HOXD13: variants seen among roughly 807,000 people sequenced by gnomAD.
HOXD13 encodes homeobox D13.
Under a neutral mutation model 27.3 loss-of-function variants are expected in HOXD13, and 16 were observed. The ratio of observed to expected loss-of-function variants is 0.59; its 90% confidence interval spans 0.40 to 0.89. The LOEUF (loss-of-function observed/expected upper bound fraction) is 0.89, where lower values mean the gene tolerates loss of function less well. Among genes scored for constraint, HOXD13 ranks in the 40% least tolerant of loss-of-function variants. HOXD13 has a pLI of 0.00. For synonymous variants in HOXD13, 241 were observed against 219.0 expected (o/e 1.10, Z -0.89); for missense variants, 481 against 482.6 (o/e 1.00, Z 0.03).
At position 176,094,677 on chromosome 2, in the gene HOXD13, C is replaced by T. The variant is rs774807865; in HGVS notation, c.979C>T (p.Arg327Ter). Residue 327 changes from arginine (R) to a stop codon, truncating the protein, a stop_gained, in exon 2 of 2, where the codon CGA (arginine) becomes TGA (stop). Coordinates refer to ENST00000392539, the MANE Select transcript of HOXD13 (RefSeq NM_000523.4). LOFTEE classifies it high-confidence loss of function. ...ACAAGTGACCATTTGGTTTCAGAAC[C>T]GAAGAGTGAAGGACAAGAAAATTGT... The part of the protein sequence containing the change: ...ERQVTIWFQN[R>*]RVKDKKIVSK... 38 of 1,613,680 alleles carry T rather than the reference C, an allele frequency of 2.4e-5. No homozygotes were observed. The highest frequency in any genetic ancestry group is 8.5e-7 in the Non-Finnish European group (1 of 1,179,786).
chr2:176,094,385 GCACA>G (rs10649769), intron 1 of HOXD13, 91 bp from the exon 2 acceptor site: 15,139 of 1,182,702 alleles, frequency 0.013, 22 homozygotes, highest in South Asian at 0.047. Flanking sequence ...CCCTGCAAAC[GCACA>G]CACACACACA....
At chr2:176,090,308 A>G (rs1250629175), upstream of HOXD13, among the ~76,000 whole-genome samples, 1 of 152,272 alleles carries the variant, frequency 6.6e-6, no homozygotes, top group African/African-American at 2.4e-5. Flanking sequence ...CTTCTGAACA[A>G]CCATTAGGAT....
chr2:176,091,724 C>G (rs749599451), upstream of HOXD13, among the ~76,000 whole-genome samples: 7 of 152,130 alleles, frequency 4.6e-5, no homozygotes, highest in Admixed American at 6.5e-5. Context: ...GAAAAGGAAG[C>G]GAAACAAAGG....
chr2:176,093,678 G>T lies in HOXD13; in HGVS notation c.781+7G>T, dbSNP rs1243440597. 6.4e-7 allele frequency: 1 copy of T among 1,566,850 alleles called. No individual in the cohort carries two copies. The highest frequency in any genetic ancestry group is 1.4e-5 in the African/African-American group (1 of 73,830). On this transcript the variant is annotated splice_region_variant and intron_variant, in intron 1 of 1. Coordinates refer to ENST00000392539, the MANE Select transcript of HOXD13 (RefSeq NM_000523.4). ...TGGAAATCTTCCTTTCCAGGTAGGG[G>T]CGATGGAGAAAAGGGACCGACACGA... is the stretch of plus-strand genomic sequence containing the variant.
At chr2:176,092,542 T>G, upstream of HOXD13, among the ~76,000 whole-genome samples, 1 of 146,412 alleles carries the variant, frequency 6.8e-6, no homozygotes, top group Admixed American at 6.7e-5. Flanking sequence ...AGTGGGTGGG[T>G]CCAGCCAGGC....
At chr2:176,093,722 G>C in intron 1 of HOXD13, 51 bp downstream of exon 1, 1 of 1,296,562 alleles carries the variant, frequency 7.7e-7, no homozygotes, top group East Asian at 2.3e-5. Flanking sequence ...GAGAGAGAAG[G>C]AGAAAAGAAA....
At position 176,092,856 on chromosome 2, in the gene HOXD13, C is replaced by T. The variant is rs1181869422; in HGVS notation, c.-35C>T. The T allele has an allele frequency of 2.7e-5, 32 of 1,186,642 alleles. 1 individual carries two copies. In the East Asian group the frequency reaches 6.4e-4, roughly 24 times the overall value. 73.5% of individuals were successfully genotyped at this position (1,186,642 alleles called of 1,614,324 possible). ...CCGCGCCATGGTGTCCTGCGCGGGG[C>T]CAGGGCCAGGGCCGGGGCCGGGCCA... On this transcript the variant is annotated 5_prime_UTR_variant, in exon 1 of 2. Transcript: ENST00000392539.
chr2:176,094,621 G>T lies in HOXD13; in HGVS notation c.923G>T (p.Arg308Leu). The change falls in exon 2 of 2, where the codon CGT (arginine) becomes CTT (leucine). Residue 308 changes from arginine (R) to leucine (L), a missense_variant. Arg to Leu is a moderately radical substitution (Grantham distance 102). Transcript: ENST00000392539. ...TTCATTAACAAGGACAAGCGGCGGC[G>T]TATCTCGGCTGCTACGAACCTATCT... The part of the protein sequence containing the change: ...NKFINKDKRR[R>L]ISAATNLSER... 1 of 1,614,076 alleles carries T rather than the reference G, an allele frequency of 6.2e-7. No individual in the cohort carries two copies. Among genetic ancestry groups the T allele is most frequent in the South Asian group, 1.1e-5 (1 of 91,084 alleles).
chr2:176,094,359 T>A lies in HOXD13; in HGVS notation c.782-121T>A, dbSNP rs544809174. On this transcript the variant is annotated intron_variant, in intron 1 of 1. Transcript: ENST00000392539. ...AAAGACCAAACAGCATGGCATTTTT[T>A]AAAAATTTCCTGCACCCCTGCAAAC... 1,545 of 1,080,698 alleles carry A rather than the reference T, an allele frequency of 1.4e-3. 4 individuals carry two copies. Among genetic ancestry groups the A allele is most frequent in the South Asian group, 5.0e-3 (377 of 75,830 alleles). 66.9% of individuals were successfully genotyped at this position (1,080,698 alleles called of 1,614,324 possible).
upstream of HOXD13, among the ~76,000 whole-genome samples, chr2:176,089,476 C>T (rs527826234): frequency 3.9e-4 from 60 of 152,310 alleles, 1 homozygote; most frequent in South Asian, 4.1e-3. Flanking sequence ...GTCCCCAGGA[C>T]CCCACTCTGA....
chr2:176,095,938 C>G lies in HOXD13; in HGVS notation c.*1208C>G, dbSNP rs1401362390. 1 of 186,022 alleles carries G rather than the reference C, an allele frequency of 5.4e-6. No individual in the cohort carries two copies. Among genetic ancestry groups the G allele is most frequent in the African/African-American group, 2.3e-5 (1 of 42,676 alleles). The allele number at this position is 186,022 out of a possible 1,614,324, so 11.5% of individuals were successfully genotyped here. On this transcript the variant is annotated 3_prime_UTR_variant, in exon 2 of 2. Transcript: ENST00000392539. ...GCCAATAAACAGAACTCTTTTGTTTCTTCTGAGTCCTTATACATTTGTTTT... is the reference window on the plus strand; with the variant it reads ...GCCAATAAACAGAACTCTTTTGTTTGTTCTGAGTCCTTATACATTTGTTTT...
chr2:176,089,254 C>A (rs1479768112), upstream of HOXD13, among the ~76,000 whole-genome samples: 1 of 152,122 alleles, frequency 6.6e-6, no homozygotes, highest in Non-Finnish European at 1.5e-5. Flanking sequence ...CTGAGTAAAA[C>A]TGGGTGTTGC....
Position 176,095,363 on chromosome 2 carries a change from TG to T in HOXD13, c.*636del, listed in dbSNP as rs1343221121. The T allele has an allele frequency of 4.4e-6, 1 of 228,246 alleles. No individual in the cohort carries two copies. Among genetic ancestry groups the T allele is most frequent in the East Asian group, 6.3e-5 (1 of 15,848 alleles). 14.1% of individuals were successfully genotyped at this position (228,246 alleles called of 1,614,324 possible). On this transcript the variant is annotated 3_prime_UTR_variant, in exon 2 of 2. Transcript: ENST00000392539. The stretch of plus-strand genomic sequence containing the variant: ...GAAATGAAGACAATCTTTCCAACTT[TG>T]GGTGTTTCACTTGCTGTTTTAATTG...
upstream of HOXD13, among the ~76,000 whole-genome samples, chr2:176,091,206 C>G (rs571216448): frequency 6.6e-6 from 1 of 152,170 alleles, no homozygotes; most frequent in Non-Finnish European, 1.5e-5. Flanking sequence ...GGCTCTCTTC[C>G]TCATCTTACT....
At chr2:176,092,687 T>A (rs1386153150), upstream of HOXD13, among the ~76,000 whole-genome samples, 1 of 151,854 alleles carries the variant, frequency 6.6e-6, no homozygotes, top group Non-Finnish European at 1.5e-5. Flanking sequence ...AACCTGAACT[T>A]CGTTTTTATA....
rs763149315 is a variant in HOXD13 at position 176,093,447 on chromosome 2, G to T, written c.557G>T (p.Arg186Leu). The T allele has an allele frequency of 6.2e-7, 1 of 1,613,962 alleles. No homozygotes were observed. Among genetic ancestry groups the T allele is most frequent in the Non-Finnish European group, 8.5e-7 (1 of 1,180,024 alleles). Residue 186 changes from arginine (R) to leucine (L), a missense_variant, in exon 1 of 2, where the codon CGA (arginine) becomes CTA (leucine). By Grantham distance (102) the Arg-to-Leu change is moderately radical. Coordinates refer to ENST00000392539, the MANE Select transcript of HOXD13 (RefSeq NM_000523.4). ...GTACCGGCCAACGAGGTGCCAGCGC[G>T]AGCCAAGGAGGTATCCTTCTACCAG... ...SSVPANEVPA[R>L]AKEVSFYQGY...
chr2:176,094,508 G>A lies in HOXD13; in HGVS notation c.810G>A (p.Met270Ile), dbSNP rs185454060. Reference protein sequence around the residue: ...PGDVALNQPDMCVYRRGRKKR... With the variant: ...PGDVALNQPDICVYRRGRKKR... The stretch of plus-strand genomic sequence containing the variant: ...ATGTGGCTCTAAATCAGCCGGACAT[G>A]TGCGTCTACCGAAGAGGGAGGAAGA... Residue 270 changes from methionine (M) to isoleucine (I), a missense_variant, in exon 2 of 2, where the codon ATG (methionine) becomes ATA (isoleucine). Met to Ile is a conservative substitution (Grantham distance 10). Coordinates refer to ENST00000392539, the MANE Select transcript of HOXD13 (RefSeq NM_000523.4). The A allele has an allele frequency of 1.2e-6, 2 of 1,614,124 alleles. No homozygotes were observed.
At position 176,094,385 on chromosome 2, in the gene HOXD13, GCA is replaced by G. The variant is rs10649769; in HGVS notation, c.782-64_782-63del. ...AAAAATTTCCTGCACCCCTGCAAAC[GCA>G]CACACACACACACACACACACACAC... On this transcript the variant is annotated intron_variant, in intron 1 of 1. Coordinates refer to ENST00000392539, the MANE Select transcript of HOXD13 (RefSeq NM_000523.4). The G allele has an allele frequency of 0.16, 180,483 of 1,106,546 alleles. 5 individuals are homozygous for G. Among genetic ancestry groups the G allele is most frequent in the South Asian group, 0.2 (13,509 of 68,756 alleles). 68.5% of individuals were successfully genotyped at this position (1,106,546 alleles called of 1,614,324 possible). A position where few individuals can be genotyped will look rare whatever the true frequency, so the allele number is the denominator to read the frequency against.
At position 176,095,472 on chromosome 2, in the gene HOXD13, C is replaced by A. The variant is rs902651220; in HGVS notation, c.*742C>A. 9 of 229,714 alleles carry A rather than the reference C, an allele frequency of 3.9e-5. No homozygotes were observed. The highest frequency in any genetic ancestry group is 7.8e-5 in the Non-Finnish European group (9 of 115,754). 14.2% of individuals were successfully genotyped at this position (229,714 alleles called of 1,614,324 possible). Reference sequence around the variant, plus strand: ...TGTCCTCATGGATCGTGGATGCCTTCATTTCTTGAGCTCTCAATGCAGACA... The same window carrying A: ...TGTCCTCATGGATCGTGGATGCCTTAATTTCTTGAGCTCTCAATGCAGACA... On this transcript the variant is annotated 3_prime_UTR_variant, in exon 2 of 2. Coordinates refer to ENST00000392539, the MANE Select transcript of HOXD13 (RefSeq NM_000523.4).
Sources: allele counts gnomAD v4.1 joint callset (sites outside exome capture counted in the v4.1 genomes callset), GRCh38; gene constraint gnomAD v4.1.1; transcripts MANE v1.5; gene names NCBI Gene and HGNC (gene_info 2026-07-23, HGNC 2026-07-21).